Variants in VRK3 observed in about 807,000 individuals in gnomAD.
VRK3 encodes serine/threonine-protein kinase VRK3.
In VRK3, 50 loss-of-function variants were observed where a neutral mutation model predicts 60.4. The observed-to-expected ratio is 0.83, with a 90% CI of 0.66 to 1.05. The LOEUF (loss-of-function observed/expected upper bound fraction) is 1.05. VRK3 is among the 50% of genes least tolerant of loss of function. VRK3 has a pLI of 0.00. For missense variants in VRK3, 549 were observed against 585.3 expected (o/e 0.94, Z 0.64); for synonymous variants, 246 against 227.8 (o/e 1.08, Z -0.72).
At chr19:49,982,769 ATATG>A (rs2076445388) in intron 12 of VRK3, among the ~76,000 whole-genome samples, 1 of 152,220 alleles carries the variant, frequency 6.6e-6, no homozygotes, top group African/African-American at 2.4e-5. Flanking sequence ...ACATACACAT[ATATG>A]TATAACACAA....
chr19:50,010,963 C>T (rs1385474678), intron 3 of VRK3, among the ~76,000 whole-genome samples: 1 of 151,990 alleles, frequency 6.6e-6, no homozygotes, highest in Non-Finnish European at 1.5e-5. Context: ...AAAGGGAATT[C>T]TCAAAGAAGA....
Position 50,005,325 on chromosome 19 carries a change from C to T in VRK3, c.547+2244G>A, listed in dbSNP as rs543105439. Among the ~76,000 whole-genome samples, 7 of 149,348 alleles carry T rather than the reference C, an allele frequency of 4.7e-5. No individual in the cohort carries two copies. The South Asian group carries it at 1.0e-3, about 22-fold the overall frequency. ...CAGACTTCAAGGCAGGGATGGCCAA[C>T]GGAAGGCTCAAAATTGTCTACGTGC... is the stretch of plus-strand genomic sequence containing the variant. On this transcript the variant is annotated intron_variant, in intron 5 of 14. Coordinates refer to ENST00000316763, the MANE Select transcript of VRK3 (RefSeq NM_016440.4).
chr19:49,977,391 G>A (rs1032332719), intron 14 of VRK3, among the ~76,000 whole-genome samples: 2 of 152,134 alleles, frequency 1.3e-5, no homozygotes, highest in Admixed American at 6.5e-5. Context: ...GTGGCCTCCA[G>A]GGAGCGCGTG....
At chr19:49,989,250 G>GGCTTC (rs2076569563) in intron 11 of VRK3, among the ~76,000 whole-genome samples, 1 of 152,114 alleles carries the variant, frequency 6.6e-6, no homozygotes, top group South Asian at 2.1e-4. Context: ...CCTCTCCCAG[G>GGCTTC]GCTTCGGCTG....
At chr19:50,011,630 G>A (rs1234796527) in intron 3 of VRK3, among the ~76,000 whole-genome samples, 1 of 151,474 alleles carries the variant, frequency 6.6e-6, no homozygotes, top group African/African-American at 2.4e-5. Flanking sequence ...TCTTCCCCCA[G>A]GCAGAAATGT....
In VRK3 at chr19:49,980,993, G is replaced by A; in HGVS notation, c.1238C>T (p.Pro413Leu). Residue 413 changes from proline (P) to leucine (L), a missense_variant, in exon 13 of 15, where the codon CCC becomes CTC. Coordinates refer to ENST00000316763, the MANE Select transcript of VRK3 (RefSeq NM_016440.4). ...CCAGTGACCGCAGGGTCCCACGAAGGGCCCCGGCTTATCAACAAACCTGAA... is the reference window on the plus strand; with the variant it reads ...CCAGTGACCGCAGGGTCCCACGAAGAGCCCCGGCTTATCAACAAACCTGAA... ...QKQKFVDKPGPFVGPCGHWIR... is the reference protein window; with the variant it reads ...QKQKFVDKPGLFVGPCGHWIR... 1 of 1,612,550 alleles carries A rather than the reference G, an allele frequency of 6.2e-7. No homozygotes were observed. Among genetic ancestry groups the A allele is most frequent in the South Asian group, 1.1e-5 (1 of 90,608 alleles).
At chr19:50,022,633 C>T (rs1222279397) in intron 1 of VRK3, among the ~76,000 whole-genome samples, 2 of 144,732 alleles carry the variant, frequency 1.4e-5, no homozygotes, top group South Asian at 4.4e-4. Flanking sequence ...TAAAAAAGTA[C>T]AAAAAAAAAA....
At chr19:49,981,959 C>T (rs1568771150) in intron 12 of VRK3, 12 of 644,382 alleles carry the variant, frequency 1.9e-5, no homozygotes, top group Non-Finnish European at 2.4e-5. Flanking sequence ...CTGTGGCATC[C>T]GCACAGTTCA....
intron 2 of VRK3, among the ~76,000 whole-genome samples, chr19:50,018,490 T>G (rs780629111): frequency 7.2e-5 from 11 of 152,158 alleles, no homozygotes; most frequent in Non-Finnish European, 1.6e-4. Flanking sequence ...GGTCCTGGAT[T>G]CCTTTTCCTC....
chr19:49,981,852 T>C, intron 12 of VRK3: 1 of 1,194,634 alleles, frequency 8.4e-7, no homozygotes, highest in Non-Finnish European at 1.1e-6. Flanking sequence ...GAGGGGCCAA[T>C]GGGCGGTATC....
chr19:49,996,655 C>T (rs540589346), intron 7 of VRK3, among the ~76,000 whole-genome samples: 82 of 152,270 alleles, frequency 5.4e-4, no homozygotes, highest in African/African-American at 1.8e-3. Context: ...CTCACTCTAT[C>T]GCCCAGACTG....
At chr19:49,989,533 T>G (rs1385164501) in intron 11 of VRK3, 106 bp downstream of exon 11, 49 of 1,429,022 alleles carry the variant, frequency 3.4e-5, no homozygotes, top group Non-Finnish European at 4.5e-5. Flanking sequence ...GCGCCCTTAG[T>G]GCCTCTCCTG....
Position 50,007,621 on chromosome 19 carries a change from C to A in VRK3, c.495G>T (p.Gln165His). Residue 165 changes from glutamine to histidine, a missense_variant, in exon 5 of 15, where the codon CAG (glutamine) becomes CAT (histidine). By Grantham distance (24) the Gln-to-His change is conservative. Coordinates refer to ENST00000316763, the MANE Select transcript of VRK3 (RefSeq NM_016440.4). The stretch of plus-strand genomic sequence containing the variant: ...TGGTCTGGAAGGACTTCAGCTTCCA[C>A]TGTCGCCCACTCTTGTCTGTCAGCA... ...GTVLTDKSGR[Q>H]WKLKSFQTRD... The A allele has an allele frequency of 6.2e-7, 1 of 1,614,232 alleles. No homozygotes were observed. Among genetic ancestry groups the A allele is most frequent in the Non-Finnish European group, 8.5e-7 (1 of 1,180,042 alleles).
chr19:49,994,887 A>G lies in VRK3; in HGVS notation c.797T>C (p.Leu266Pro). 6.2e-7 allele frequency: 1 copy of G among 1,614,084 alleles called. No individual in the cohort carries two copies. ...FLVLPSLGRS[L>P]QSALDVSPKH... Reference sequence around the variant, plus strand: ...TGGGCTGACATCCAGGGCCGACTGAAGGCTCCTCCCCAGGCTGGGTAACAC... The same window carrying G: ...TGGGCTGACATCCAGGGCCGACTGAGGGCTCCTCCCCAGGCTGGGTAACAC... The change falls in exon 9 of 15, where the codon CTT (leucine) becomes CCT (proline). Residue 266 changes from leucine (L) to proline (P), a missense_variant. Coordinates refer to ENST00000316763, the MANE Select transcript of VRK3 (RefSeq NM_016440.4).
At chr19:50,013,980 G>A (rs2077035536) in intron 3 of VRK3, among the ~76,000 whole-genome samples, 1 of 152,112 alleles carries the variant, frequency 6.6e-6, no homozygotes, top group African/African-American at 2.4e-5. Flanking sequence ...AATATCTGAA[G>A]GCATGGCTGG....
chr19:50,015,274 A>G (rs1339330404), intron 3 of VRK3, among the ~76,000 whole-genome samples: 3 of 152,048 alleles, frequency 2.0e-5, no homozygotes, highest in Non-Finnish European at 2.9e-5. Context: ...TGTCAACAGG[A>G]TGCTCAAGGG....
At chr19:49,994,282 A>G (rs1320761225) in intron 9 of VRK3, among the ~76,000 whole-genome samples, 3 of 152,086 alleles carry the variant, frequency 2.0e-5, no homozygotes, top group African/African-American at 7.2e-5. Flanking sequence ...CTAGACTGTG[A>G]GCTCTAAGAC....
intron 12 of VRK3, among the ~76,000 whole-genome samples, chr19:49,982,353 G>T (rs368911741): frequency 7.2e-5 from 11 of 152,178 alleles, no homozygotes; most frequent in Admixed American, 3.3e-4. Flanking sequence ...GTGGAGATGG[G>T]GTCTCACTAT....
chr19:49,981,050 G>T, intron 12 of VRK3, 37 bp from the exon 13 acceptor site: 1 of 1,595,088 alleles, frequency 6.3e-7, no homozygotes. Flanking sequence ...GGTCTCTTAG[G>T]GAAAGGAGAG....
Sources: allele counts gnomAD v4.1 joint callset (sites outside exome capture counted in the v4.1 genomes callset), GRCh38; gene constraint gnomAD v4.1.1; transcripts MANE v1.5; gene names NCBI Gene and HGNC (gene_info 2026-07-23, HGNC 2026-07-21).